The following FRMD4A variants were observed in gnomAD, a reference collection of about 807,000 sequenced individuals.
FRMD4A encodes the protein FERM domain-containing protein 4A.
In FRMD4A, 29 loss-of-function variants were observed where a neutral mutation model predicts 129.1. That is an observed-to-expected ratio of 0.22 (90% CI 0.17 to 0.31). FRMD4A has a LOEUF of 0.31. FRMD4A is among the 10% of genes least tolerant of loss of function. FRMD4A has a pLI of 1.00. For missense variants in FRMD4A, 1,272 were observed against 1,375.8 expected (o/e 0.92, Z 1.19); for synonymous variants, 634 against 571.6 (o/e 1.11, Z -1.56).
chr10:14,224,857 C>T (rs967994612), intron 2 of FRMD4A, among the ~76,000 whole-genome samples: 1 of 152,166 alleles, frequency 6.6e-6, no homozygotes, highest in African/African-American at 2.4e-5. Flanking sequence ...GTCTAACTTG[C>T]AACTGATGTA....
intron 2 of FRMD4A, among the ~76,000 whole-genome samples, chr10:14,071,084 C>T (rs74122457): frequency 0.023 from 3,496 of 152,298 alleles, 157 homozygotes; most frequent in African/African-American, 0.079. Context: ...GGAAAGAACC[C>T]GGATCCCTGG....
chr10:13,864,613 T>C (rs117970048), intron 2 of FRMD4A, among the ~76,000 whole-genome samples: 5,307 of 150,428 alleles, frequency 0.035, 158 homozygotes, highest in Middle Eastern at 0.16. Flanking sequence ...TCTCCCTCTG[T>C]CACTCAGGCT....
chr10:13,903,170 C>A (rs2094841312), intron 2 of FRMD4A, among the ~76,000 whole-genome samples: 2 of 152,136 alleles, frequency 1.3e-5, no homozygotes, highest in South Asian at 4.2e-4. Context: ...CAGATGTACC[C>A]TTATTAGTGA....
chr10:13,756,383 T>C (rs533349763), intron 8 of FRMD4A, among the ~76,000 whole-genome samples: 3 of 152,194 alleles, frequency 2.0e-5, no homozygotes, highest in Non-Finnish European at 4.4e-5. Context: ...TGAGACAGGG[T>C]CTCGCTCTAT....
intron 2 of FRMD4A, among the ~76,000 whole-genome samples, chr10:14,309,842 C>T (rs980144363): frequency 1.3e-5 from 2 of 152,152 alleles, no homozygotes; most frequent in African/African-American, 4.8e-5. Context: ...GGTGAATCCT[C>T]GTTTCCTTCC....
chr10:14,125,713 T>A (rs568697042), intron 2 of FRMD4A, among the ~76,000 whole-genome samples: 1 of 151,206 alleles, frequency 6.6e-6, no homozygotes, highest in East Asian at 2.0e-4. Context: ...TCTCTCTCTC[T>A]CACACACAGA....
In FRMD4A at chr10:13,656,890, C is replaced by T; in HGVS notation, c.2699G>A (p.Arg900Gln). ...CGACGGAGTCCGCAGGATCTGCGAT[C>T]GCGACGGCGTCAGGCGGCCCGTGTC... is the stretch of plus-strand genomic sequence containing the variant. ...EGDTGRLTPS[R>Q]SQILRTPSLG... The change falls in exon 22 of 25, where the codon CGA becomes CAA. Residue 900 changes from arginine (R) to glutamine (Q), a missense_variant. Physicochemically the swap from Arg to Gln is conservative, Grantham distance 43. Around this residue, in one of 2 missense-constraint regions of FRMD4A, gnomAD observed 972 missense variants for 892.3 expected, o/e 1.09. Transcript: ENST00000357447. 2 of 1,479,028 alleles carry T rather than the reference C, an allele frequency of 1.4e-6. No homozygotes were observed. Among genetic ancestry groups the T allele is most frequent in the South Asian group, 2.6e-5 (2 of 76,262 alleles). The allele number at this position is 1,479,028 out of a possible 1,614,324, so 91.6% of individuals were successfully genotyped here.
chr10:14,094,708 C>T (rs1179104316), intron 2 of FRMD4A, among the ~76,000 whole-genome samples: 4 of 152,202 alleles, frequency 2.6e-5, no homozygotes, highest in Non-Finnish European at 5.9e-5. Flanking sequence ...TCTTTGGTGA[C>T]TCTGTTCTGT....
rs574317953 is a variant in FRMD4A, at chr10:14,098,243, G to A, written c.45+231815C>T. On this transcript the variant is annotated intron_variant, in intron 2 of 24. Coordinates refer to ENST00000357447, the MANE Select transcript of FRMD4A (RefSeq NM_018027.5). The stretch of plus-strand genomic sequence containing the variant: ...TTCAAACTGGTCACCCCTAATTCCT[G>A]TCTCTGCTCTAGTAAATCCATTCCT... Among the ~76,000 whole-genome samples, 10 of 150,740 alleles carry A rather than the reference G, an allele frequency of 6.6e-5. No individual in the cohort carries two copies. In the South Asian group the frequency reaches 2.1e-3, roughly 31 times the overall value.
intron 12 of FRMD4A, among the ~76,000 whole-genome samples, chr10:13,710,805 G>A (rs1054716199): frequency 6.6e-6 from 1 of 152,164 alleles, no homozygotes; most frequent in Admixed American, 6.5e-5. Flanking sequence ...TTGAGGTCAG[G>A]AGCTTGAGAC....
At chr10:14,042,373 T>G (rs1319265525) in intron 2 of FRMD4A, among the ~76,000 whole-genome samples, 1 of 152,142 alleles carries the variant, frequency 6.6e-6, no homozygotes, top group Non-Finnish European at 1.5e-5. Flanking sequence ...AAATACAGAA[T>G]GTGAGGTCCC....
rs970182646 is a variant in FRMD4A, at chr10:14,084,918, C to A, written c.46-226006G>T. 1.6e-4 allele frequency among the ~76,000 whole-genome samples: 25 copies of A among 152,316 alleles called. 1 individual carries two copies. Among genetic ancestry groups the A allele is most frequent in the Admixed American group, 1.4e-3 (22 of 15,308 alleles). ...CTGACCCTGGTGCTTCCCCGCATGG[C>A]CCTGTGTGGCGTGGCTTGTCTCCTA... On this transcript the variant is annotated intron_variant, in intron 2 of 24. Coordinates refer to ENST00000357447, the MANE Select transcript of FRMD4A (RefSeq NM_018027.5).
chr10:14,284,699 ATC>A (rs1176611305), intron 2 of FRMD4A, among the ~76,000 whole-genome samples: 2 of 152,166 alleles, frequency 1.3e-5, no homozygotes, highest in African/African-American at 4.8e-5. Context: ...ATTAATAAGG[ATC>A]TCTCAGCAAT....
At chr10:14,292,065 A>G (rs1845865050) in intron 2 of FRMD4A, among the ~76,000 whole-genome samples, 3 of 152,208 alleles carry the variant, frequency 2.0e-5, no homozygotes, top group Admixed American at 6.5e-5. Flanking sequence ...CTAAATAGAT[A>G]TCTAAATAAT....
At chr10:14,013,824 G>A (rs1483446263) in intron 2 of FRMD4A, among the ~76,000 whole-genome samples, 2 of 152,172 alleles carry the variant, frequency 1.3e-5, no homozygotes, top group Non-Finnish European at 2.9e-5. Context: ...CCAGTTACTC[G>A]GGAGGCTGAG....
intron 2 of FRMD4A, among the ~76,000 whole-genome samples, chr10:13,988,668 C>T (rs1565159334): frequency 6.6e-6 from 1 of 151,896 alleles, no homozygotes; most frequent in Non-Finnish European, 1.5e-5. Flanking sequence ...ACCGATAGAT[C>T]GATAGATAGA....
intron 12 of FRMD4A, among the ~76,000 whole-genome samples, chr10:13,709,484 A>G (rs965092861): frequency 6.6e-6 from 1 of 152,168 alleles, no homozygotes; most frequent in Non-Finnish European, 1.5e-5. Context: ...CTCCAGAACA[A>G]CCAGAATCAT....
At chr10:13,934,022 T>G (rs746313531) in intron 2 of FRMD4A, among the ~76,000 whole-genome samples, 16 of 152,160 alleles carry the variant, frequency 1.1e-4, no homozygotes, top group Non-Finnish European at 1.9e-4. Context: ...TAAAGGAACA[T>G]TGAAACCATT....
At chr10:14,326,568 C>T (rs1843284405) in intron 2 of FRMD4A, 1 of 327,470 alleles carries the variant, frequency 3.1e-6, no homozygotes, top group African/African-American at 2.1e-5. Flanking sequence ...ATTTATTATC[C>T]AGTTAATTTC....
Sources: gnomAD v4.1 joint callset for allele counts (sites outside exome capture counted in the v4.1 genomes callset) on GRCh38, gnomAD v4.1.1 for gene constraint, gnomAD v4.1.1 regional missense constraint, MANE v1.5 for transcripts, NCBI Gene and HGNC (gene_info 2026-07-23, HGNC 2026-07-21) for gene names.